Variants in CUBN observed in about 807,000 individuals in gnomAD.
The protein encoded by CUBN is 460 kDa receptor.
Under a neutral mutation model 405.3 loss-of-function variants are expected in CUBN, and 282 were observed. That is an observed-to-expected ratio of 0.70 (90% CI 0.63 to 0.77). The LOEUF is 0.77. Ranked by LOEUF, CUBN falls within the 30% of genes least tolerant of loss-of-function variation. CUBN has a pLI of 0.00. For missense variants in CUBN, 4,514 were observed against 4,475.2 expected (o/e 1.01, Z -0.25); for synonymous variants, 1,684 against 1,617.0 (o/e 1.04, Z -0.99).
chr10:17,070,419 T>C (rs990412062), intron 19 of CUBN, among the ~76,000 whole-genome samples: 4 of 152,178 alleles, frequency 2.6e-5, no homozygotes, highest in Non-Finnish European at 5.9e-5. Context: ...CTGTGATTTT[T>C]ATGGGGATTG....
At chr10:17,044,283 T>C (rs1588607080) in intron 25 of CUBN, among the ~76,000 whole-genome samples, 1 of 147,308 alleles carries the variant, frequency 6.8e-6, no homozygotes. Flanking sequence ...TAAATATATA[T>C]AAAATAAATA....
At chr10:16,920,217 C>T (rs1841997255) in intron 43 of CUBN, 80 bp from the exon 44 acceptor site, 14 of 1,394,160 alleles carry the variant, frequency 1.0e-5, no homozygotes, top group African/African-American at 1.4e-5. Flanking sequence ...CTTTTAAAGT[C>T]GACTTCTCTG....
chr10:16,861,584 G>C (rs1036064234), intron 59 of CUBN, among the ~76,000 whole-genome samples: 9 of 151,628 alleles, frequency 5.9e-5, no homozygotes, highest in Non-Finnish European at 1.2e-4. Context: ...TATTATTAGT[G>C]TACTGTTTTT....
chr10:16,931,564 C>A (rs1029993009), intron 40 of CUBN, among the ~76,000 whole-genome samples: 2 of 152,210 alleles, frequency 1.3e-5, no homozygotes, highest in African/African-American at 2.4e-5. Flanking sequence ...GATTAAACCT[C>A]TCTTAGAAAT....
chr10:16,990,444 T>A lies in CUBN; in HGVS notation c.4240A>T (p.Asn1414Tyr). The A allele has an allele frequency of 1.2e-6, 2 of 1,614,190 alleles. No homozygotes were observed. The highest frequency in any genetic ancestry group is 2.2e-5 in the South Asian group (2 of 91,082). Residue 1414 changes from asparagine (N) to tyrosine (Y), a missense_variant, in exon 29 of 67, where the codon AAC (asparagine) becomes TAC (tyrosine). By Grantham distance (143) the Asn-to-Tyr change is moderately radical. Around this residue, in one of 5 missense-constraint regions of CUBN, gnomAD observed 1,613 missense variants for 1,542.8 expected, o/e 1.05. Coordinates refer to ENST00000377833, the MANE Select transcript of CUBN (RefSeq NM_001081.4). ...SPGFPNRYPP[N>Y]KECIWYIRTD... ...CTAATGTACCAGATACACTCCTTGTTTGGTGGATACCTGTTGGGGAACCCG... is the reference window on the plus strand; with the variant it reads ...CTAATGTACCAGATACACTCCTTGTATGGTGGATACCTGTTGGGGAACCCG...
intron 12 of CUBN, among the ~76,000 whole-genome samples, chr10:17,103,457 T>G (rs1404268218): frequency 6.6e-6 from 1 of 152,208 alleles, no homozygotes; most frequent in Non-Finnish European, 1.5e-5. Flanking sequence ...ACCTGCTCCA[T>G]GAACTGCCAT....
chr10:16,907,382 T>C, intron 49 of CUBN, 126 bp downstream of exon 49: 1 of 986,724 alleles, frequency 1.0e-6, no homozygotes, highest in Non-Finnish European at 1.6e-6. Flanking sequence ...TGTGTGTTTG[T>C]CTTATGTCAA....
intron 31 of CUBN, 142 bp from the exon 32 acceptor site, chr10:16,954,690 T>C: frequency 1.1e-6 from 1 of 874,374 alleles, no homozygotes; most frequent in Non-Finnish European, 1.8e-6. Context: ...TTGTCCTTTC[T>C]CACAGCTGTA....
chr10:16,835,598 A>G (rs1290424875), intron 63 of CUBN, among the ~76,000 whole-genome samples: 3 of 143,206 alleles, frequency 2.1e-5, no homozygotes, highest in Non-Finnish European at 3.0e-5. Flanking sequence ...TATTTGTGGC[A>G]AATCGTTATT....
intron 31 of CUBN, among the ~76,000 whole-genome samples, chr10:16,981,820 T>C (rs1833285338): frequency 6.6e-6 from 1 of 152,210 alleles, no homozygotes; most frequent in South Asian, 2.1e-4. Flanking sequence ...CCCATCTCAG[T>C]AGCAGAAACT....
chr10:16,918,574 G>A (rs1195766909), intron 45 of CUBN, 48 bp downstream of exon 45: 4 of 1,424,972 alleles, frequency 2.8e-6, no homozygotes, highest in Admixed American at 3.5e-5. Context: ...TAACAAATCT[G>A]CACATGTACC....
intron 1 of CUBN, among the ~76,000 whole-genome samples, 160 bp from the exon 2 acceptor site, chr10:17,129,410 C>T (rs1310756975): frequency 2.6e-5 from 4 of 152,208 alleles, no homozygotes; most frequent in Non-Finnish European, 5.9e-5. Flanking sequence ...TTTTTCTCTG[C>T]ACATTTCTCA....
In CUBN at chr10:16,954,518, G is replaced by A. The variant is rs765770899; in HGVS notation, c.4726C>T (p.Arg1576Cys). ...AYDGLSSTMS[R>C]LARTCGREQL... ...TCCCTTCCACACGTCCTGGCAAGGC[G>A]GGACATTGTGGAGCTTAAGCCATCG... The change falls in exon 32 of 67, where the codon CGC becomes TGC. Residue 1576 changes from arginine (R) to cysteine (C), a missense_variant. By Grantham distance (180) the Arg-to-Cys change is radical. Transcript: ENST00000377833. 2.2e-5 allele frequency: 36 copies of A among 1,613,672 alleles called. No individual in the cohort carries two copies. Among genetic ancestry groups the A allele is most frequent in the South Asian group, 1.2e-4 (11 of 91,064 alleles).
intron 56 of CUBN, among the ~76,000 whole-genome samples, chr10:16,883,657 A>C (rs984846405): frequency 6.6e-6 from 1 of 152,224 alleles, no homozygotes; most frequent in Non-Finnish European, 1.5e-5. Context: ...TTTCTATTAG[A>C]TATAACCCAT....
intron 62 of CUBN, 38 bp from the exon 63 acceptor site, chr10:16,836,420 T>G: frequency 6.3e-7 from 1 of 1,597,006 alleles, no homozygotes; most frequent in Non-Finnish European, 8.6e-7. Flanking sequence ...TTAGATTTAG[T>G]CTTAGAAGAG....
intron 31 of CUBN, among the ~76,000 whole-genome samples, chr10:16,978,271 C>A (rs1833155793): frequency 6.6e-6 from 1 of 152,170 alleles, no homozygotes; most frequent in South Asian, 2.1e-4. Context: ...AAAGGCCCTG[C>A]AGGAAAAAAT....
intron 20 of CUBN, 86 bp downstream of exon 20, chr10:17,068,519 A>G: frequency 8.1e-7 from 1 of 1,239,366 alleles, no homozygotes; most frequent in Non-Finnish European, 1.2e-6. Flanking sequence ...CACAGTACAG[A>G]TGATTTTCAT....
In CUBN at chr10:17,127,866, T is replaced by C. The variant is rs1161596506; in HGVS notation, c.311A>G (p.Gln104Arg). The C allele has an allele frequency of 6.2e-7, 1 of 1,613,296 alleles. No individual in the cohort carries two copies. Among genetic ancestry groups the C allele is most frequent in the South Asian group, 1.1e-5 (1 of 91,050 alleles). ...CTGATAGATTTGACTAGATATATTT[T>C]GAGGCAGACCAATTGCACTCCCTTT... is the stretch of plus-strand genomic sequence containing the variant. ...ELKGSAIGLP[Q>R]NISSQIYQLN... The change falls in exon 3 of 67, where the codon CAA becomes CGA. Residue 104 changes from glutamine (Q) to arginine (R), a missense_variant. This residue lies in a region of CUBN where 1,448 missense variants were observed against 1,388.0 expected (regional missense o/e 1.04). Coordinates refer to ENST00000377833, the MANE Select transcript of CUBN (RefSeq NM_001081.4).
At chr10:16,863,260 AG>A (rs1160052886) in intron 59 of CUBN, among the ~76,000 whole-genome samples, 2 of 152,246 alleles carry the variant, frequency 1.3e-5, no homozygotes, top group African/African-American at 2.4e-5. Context: ...TAAAAGGTAC[AG>A]GGCTTAAAAA....
Sources: allele counts gnomAD v4.1 joint callset (sites outside exome capture counted in the v4.1 genomes callset), GRCh38; gene constraint gnomAD v4.1.1; regional missense constraint gnomAD v4.1.1; transcripts MANE v1.5; gene names NCBI Gene and HGNC (gene_info 2026-07-23, HGNC 2026-07-21).